AUH: variants seen among roughly 807,000 people sequenced by gnomAD.
AUH encodes methylglutaconyl-CoA hydratase, mitochondrial.
A neutral mutation model predicts 42.3 loss-of-function variants in AUH; 29 were observed. The observed-to-expected ratio is 0.69, with a 90% CI of 0.51 to 0.93. The LOEUF (loss-of-function observed/expected upper bound fraction) is 0.93, where lower values mean the gene tolerates loss of function less well. Among genes scored for constraint, AUH ranks in the 40% least tolerant of loss-of-function variants. The pLI is 0.00. For synonymous variants in AUH, 174 were observed against 166.4 expected (o/e 1.05, Z -0.35); for missense variants, 452 against 438.1 (o/e 1.03, Z -0.28).
intron 4 of AUH, among the ~76,000 whole-genome samples, chr9:91,322,324 T>C (rs2131840975): frequency 6.6e-6 from 1 of 152,306 alleles, no homozygotes; most frequent in East Asian, 1.9e-4. Flanking sequence ...TGCATATATA[T>C]AAACTTACAG....
chr9:91,331,593 T>C (rs1396637711), intron 3 of AUH, among the ~76,000 whole-genome samples: 5 of 152,234 alleles, frequency 3.3e-5, no homozygotes, highest in Non-Finnish European at 7.3e-5. Flanking sequence ...AAATGTATAA[T>C]ACACTAAGTA....
At chr9:91,287,464 T>C (rs1447547784) in intron 6 of AUH, among the ~76,000 whole-genome samples, 1 of 152,150 alleles carries the variant, frequency 6.6e-6, no homozygotes, top group Non-Finnish European at 1.5e-5. Context: ...GGTCTACAGA[T>C]TAGTTAGTAA....
chr9:91,351,460 T>C (rs769848577), intron 3 of AUH, among the ~76,000 whole-genome samples: 1 of 152,214 alleles, frequency 6.6e-6, no homozygotes, highest in Admixed American at 6.5e-5. Flanking sequence ...AGCGCATCGG[T>C]ATATAATAAG....
chr9:91,292,973 A>G (rs955335038), intron 6 of AUH, among the ~76,000 whole-genome samples: 8 of 152,086 alleles, frequency 5.3e-5, no homozygotes, highest in African/African-American at 1.7e-4. Context: ...CCTTTTCATT[A>G]TTGTATCTCT....
intron 6 of AUH, among the ~76,000 whole-genome samples, chr9:91,245,323 T>A (rs1828736056): frequency 6.6e-6 from 1 of 152,152 alleles, no homozygotes; most frequent in African/African-American, 2.4e-5. Flanking sequence ...CCTCTTCCCA[T>A]GAGAAGACAA....
chr9:91,300,018 A>G (rs1198960728), intron 4 of AUH, among the ~76,000 whole-genome samples: 1 of 152,148 alleles, frequency 6.6e-6, no homozygotes, highest in East Asian at 1.9e-4. Context: ...CCAGTTACCA[A>G]TGACATTATA....
At chr9:91,243,000 C>T (rs1041320585) in intron 6 of AUH, among the ~76,000 whole-genome samples, 2 of 152,130 alleles carry the variant, frequency 1.3e-5, no homozygotes, top group Admixed American at 6.5e-5. Context: ...ATAACTACCA[C>T]GTATTGAGAA....
intron 4 of AUH, among the ~76,000 whole-genome samples, chr9:91,299,060 A>C (rs1292232095): frequency 6.6e-6 from 1 of 152,176 alleles, no homozygotes; most frequent in South Asian, 2.1e-4. Context: ...CTCTACAAAA[A>C]TACAAAAATT....
At chr9:91,290,751 C>T (rs908899456) in intron 6 of AUH, among the ~76,000 whole-genome samples, 3 of 152,158 alleles carry the variant, frequency 2.0e-5, no homozygotes, top group African/African-American at 7.2e-5. Context: ...AAACCAAACA[C>T]TGCTCTCTAT....
intron 3 of AUH, among the ~76,000 whole-genome samples, chr9:91,333,148 A>C (rs1164977329): frequency 6.6e-6 from 1 of 152,228 alleles, no homozygotes; most frequent in East Asian, 1.9e-4. Context: ...GTCATGGCTG[A>C]GATTTTCCTC....
chr9:91,282,039 G>A (rs1449619572), intron 6 of AUH, among the ~76,000 whole-genome samples: 1 of 152,104 alleles, frequency 6.6e-6, no homozygotes, highest in Non-Finnish European at 1.5e-5. Context: ...CCTGACAGTG[G>A]CTATAAGACC....
intron 6 of AUH, among the ~76,000 whole-genome samples, chr9:91,289,943 A>C (rs935481277): frequency 1.3e-5 from 2 of 152,184 alleles, no homozygotes; most frequent in Non-Finnish European, 2.9e-5. Context: ...AAGTAGACCA[A>C]AAATTCTGTG....
At chr9:91,285,492 C>T (rs189290081) in intron 6 of AUH, among the ~76,000 whole-genome samples, 233 of 152,072 alleles carry the variant, frequency 1.5e-3, no homozygotes, top group Non-Finnish European at 2.7e-3. Flanking sequence ...CTGACAGAAG[C>T]CACACTGTTT....
chr9:91,220,336 T>A (rs558723042), intron 7 of AUH, among the ~76,000 whole-genome samples: 1 of 152,340 alleles, frequency 6.6e-6, no homozygotes, highest in African/African-American at 2.4e-5. Context: ...GGCTTTTCAC[T>A]TTTCAAGTGA....
At chr9:91,305,734 G>GTAAGAACTCATGACTT (rs1828163904) in intron 4 of AUH, among the ~76,000 whole-genome samples, 1 of 152,190 alleles carries the variant, frequency 6.6e-6, no homozygotes, top group Non-Finnish European at 1.5e-5. Flanking sequence ...GCCTTATGCT[G>GTAAGAACTCATGACTT]TAAGAACTCA....
At chr9:91,248,579 C>T (rs1033792656) in intron 6 of AUH, among the ~76,000 whole-genome samples, 9 of 152,076 alleles carry the variant, frequency 5.9e-5, no homozygotes, top group Admixed American at 4.6e-4. Flanking sequence ...GGGTGGGACA[C>T]GGAAATTTAA....
In AUH at chr9:91,356,167, G is replaced by A; in HGVS notation, c.263-12C>T. 2.5e-6 allele frequency: 4 copies of A among 1,611,988 alleles called. No homozygotes were observed. The highest frequency in any genetic ancestry group is 3.4e-6 in the Non-Finnish European group (4 of 1,178,508). On this transcript the variant is annotated splice_polypyrimidine_tract_variant and intron_variant, in intron 1 of 9. Coordinates refer to ENST00000375731, the MANE Select transcript of AUH (RefSeq NM_001698.3). ...AAGCACCACAATTCCTAGTTAAAGG[G>A]GAAAAAAAGTACAAGCACTTGAGTG...
intron 3 of AUH, among the ~76,000 whole-genome samples, chr9:91,331,513 T>C (rs2131901290): frequency 6.6e-6 from 1 of 152,370 alleles, no homozygotes; most frequent in African/African-American, 2.4e-5. Flanking sequence ...TGTATGTAAC[T>C]TGCCAGTAAT....
At chr9:91,273,444 C>G (rs540176158) in intron 6 of AUH, among the ~76,000 whole-genome samples, 2 of 152,274 alleles carry the variant, frequency 1.3e-5, no homozygotes, top group East Asian at 3.9e-4. Context: ...CAGGATTCCA[C>G]TATAACTGAC....
Sources: gnomAD v4.1 joint callset for allele counts (sites outside exome capture counted in the v4.1 genomes callset) on GRCh38, gnomAD v4.1.1 for gene constraint, MANE v1.5 for transcripts, NCBI Gene and HGNC (gene_info 2026-07-23, HGNC 2026-07-21) for gene names.